Variants in SCMH1 observed in about 807,000 individuals in gnomAD.
SCMH1 encodes the protein Scm polycomb group protein homolog 1, also known as polycomb protein SCMH1.
SCMH1 carries 37 observed loss-of-function variants against 70.8 expected under a neutral mutation model. The observed-to-expected ratio is 0.52, with a 90% confidence interval of 0.40 to 0.69. SCMH1 has a LOEUF of 0.69. Ranked by LOEUF, SCMH1 falls within the 30% of genes least tolerant of loss-of-function variation. The probability of loss-of-function intolerance (pLI) is 0.00; values close to 1 mark genes in which losing one functional copy is unlikely to be tolerated. For synonymous variants in SCMH1, 292 were observed against 307.4 expected, an observed-to-expected ratio of 0.95 and a Z score of 0.52; for missense variants, 607 against 827.3, an observed-to-expected ratio of 0.73 and a Z score of 3.27.
chr1:41,171,617 A>C (rs1021322603), intron 2 of SCMH1, among the ~76,000 whole-genome samples: 5 of 152,182 alleles, frequency 3.3e-5, no homozygotes, highest in Admixed American at 2.0e-4. Flanking sequence ...TATTTTCATA[A>C]GCACATGAAG....
chr1:41,154,273 C>G (rs1645323664), intron 4 of SCMH1, among the ~76,000 whole-genome samples: 1 of 152,134 alleles, frequency 6.6e-6, no homozygotes, highest in South Asian at 2.1e-4. Context: ...CCAAGGCTCC[C>G]TAGGTAATTT....
chr1:41,092,898 A>C (rs1664044573), intron 8 of SCMH1, among the ~76,000 whole-genome samples: 1 of 152,218 alleles, frequency 6.6e-6, no homozygotes, highest in Admixed American at 6.5e-5. Flanking sequence ...GATGTGGAGA[A>C]ATAGGAATGC....
chr1:41,111,972 C>T (rs1002078564), intron 8 of SCMH1, among the ~76,000 whole-genome samples: 2 of 152,086 alleles, frequency 1.3e-5, no homozygotes, highest in Non-Finnish European at 2.9e-5. Context: ...TCAAATTGTA[C>T]ACTTTAAATA....
At chr1:41,198,593 A>T (rs1653589178) in intron 1 of SCMH1, among the ~76,000 whole-genome samples, 1 of 152,226 alleles carries the variant, frequency 6.6e-6, no homozygotes, top group Non-Finnish European at 1.5e-5. Flanking sequence ...TAGTACAAAA[A>T]TAGTTAAGAT....
At position 41,132,427 on chromosome 1, in the gene SCMH1, T is replaced by A. The variant is rs548701569; in HGVS notation, c.412+10451A>T. Among the ~76,000 whole-genome samples the A allele has an allele frequency of 3.9e-5, 6 of 152,258 alleles. No individual in the cohort carries two copies. In the South Asian group the frequency reaches 1.2e-3, roughly 32 times the overall value. On this transcript the variant is annotated intron_variant, in intron 6 of 14. Coordinates refer to ENST00000337495, the Ensembl canonical transcript of SCMH1. ...TTTTTCTTGTAAATTTGTTTTTCTT[T>A]GTAAATTCTGGGTATTAGCCCTTTG... is the stretch of plus-strand genomic sequence containing the variant.
intron 8 of SCMH1, among the ~76,000 whole-genome samples, chr1:41,090,666 T>A (rs1663153077): frequency 6.6e-6 from 1 of 152,058 alleles, no homozygotes; most frequent in Non-Finnish European, 1.5e-5. Flanking sequence ...TACCTACAAT[T>A]AAAAATAATT....
At chr1:41,225,213 G>A (rs1031886527) in intron 1 of SCMH1, among the ~76,000 whole-genome samples, 3 of 152,128 alleles carry the variant, frequency 2.0e-5, no homozygotes, top group East Asian at 3.9e-4. Context: ...AAGTTCACAC[G>A]AGAACCTGGG....
chr1:41,219,330 G>A (rs1196075778), intron 1 of SCMH1, among the ~76,000 whole-genome samples: 1 of 152,210 alleles, frequency 6.6e-6, no homozygotes, highest in Admixed American at 6.5e-5. Context: ...AGTTCTGTGA[G>A]TTGTTCCAGT....
intron 8 of SCMH1, among the ~76,000 whole-genome samples, chr1:41,079,116 G>A (rs1659213114): frequency 6.6e-6 from 1 of 152,044 alleles, no homozygotes; most frequent in Non-Finnish European, 1.5e-5. Context: ...AATTATCAGG[G>A]ATAAGAATGC....
chr1:41,071,047 T>G (rs975128004), intron 9 of SCMH1, among the ~76,000 whole-genome samples: 2 of 152,198 alleles, frequency 1.3e-5, no homozygotes, highest in African/African-American at 4.8e-5. Flanking sequence ...TGCCATAGTT[T>G]AAGTCTGCTT....
At chr1:41,034,002 C>G in intron 13 of SCMH1, 2 of 1,614,044 alleles carry the variant, frequency 1.2e-6, no homozygotes, top group Non-Finnish European at 1.7e-6. Flanking sequence ...GATTTAGTTT[C>G]CAAAATGATT....
intron 10 of SCMH1, among the ~76,000 whole-genome samples, chr1:41,061,394 A>G (rs941002819): frequency 6.6e-6 from 1 of 152,222 alleles, no homozygotes; most frequent in Non-Finnish European, 1.5e-5. Flanking sequence ...AGAAAGATAT[A>G]CCATGCTAAC....
At chr1:41,104,603 AATT>A (rs932916306) in intron 8 of SCMH1, among the ~76,000 whole-genome samples, 8 of 152,242 alleles carry the variant, frequency 5.3e-5, no homozygotes, top group African/African-American at 1.7e-4. Context: ...CAAAATGTAC[AATT>A]ATTACATATC....
intron 10 of SCMH1, 110 bp downstream of exon 10, chr1:41,070,485 T>G: frequency 7.4e-7 from 1 of 1,356,980 alleles, no homozygotes; most frequent in Non-Finnish European, 9.9e-7. Flanking sequence ...TTAAAAATAT[T>G]TTACCTAGGT....
rs141037117 is a variant in SCMH1 at position 41,061,512 on chromosome 1, A to G, written c.1105+9083T>C. Among the ~76,000 whole-genome samples the G allele has an allele frequency of 3.9e-4, 59 of 152,330 alleles. No homozygotes were observed. In the East Asian group the frequency reaches 0.01, roughly 26 times the overall value. ...AGGGGCATTACATAATAAGAGGCCA[A>G]TTCTCCAAGAAGACATATCATTCCT... On this transcript the variant is annotated intron_variant, in intron 10 of 14. Transcript: ENST00000337495.
At chr1:41,176,189 C>CAAAAAAAAAAAAAAAAAAAAA (rs61348122) in intron 2 of SCMH1, among the ~76,000 whole-genome samples, 1 of 109,952 alleles carries the variant, frequency 9.1e-6, no homozygotes, top group East Asian at 2.5e-4. Flanking sequence ...CCAAAAAAAA[C>CAAAAAAAAAAAAAAAAAAAAA]AAAAAAAAAA....
At chr1:41,185,703 T>A (rs950320373) in intron 2 of SCMH1, among the ~76,000 whole-genome samples, 1 of 150,070 alleles carries the variant, frequency 6.7e-6, no homozygotes, top group Non-Finnish European at 1.5e-5. Context: ...TGGTGAGATC[T>A]CGGCTTACAG....
intron 8 of SCMH1, among the ~76,000 whole-genome samples, chr1:41,078,491 CAGATGAAATAA>C (rs1486993026): frequency 6.6e-6 from 1 of 151,908 alleles, no homozygotes; most frequent in Non-Finnish European, 1.5e-5. Context: ...AGATGAAATA[CAGATGAAATAA>C]AAGACAGGGA....
intron 8 of SCMH1, among the ~76,000 whole-genome samples, chr1:41,094,021 G>C (rs1664396128): frequency 6.6e-6 from 1 of 152,150 alleles, no homozygotes; most frequent in South Asian, 2.1e-4. Context: ...TCATAAAAAA[G>C]TAGCTAGTTC....
Sources: allele counts gnomAD v4.1 joint callset (sites outside exome capture counted in the v4.1 genomes callset), GRCh38; gene constraint gnomAD v4.1.1; transcripts MANE v1.5; gene names NCBI Gene and HGNC (gene_info 2026-07-23, HGNC 2026-07-21).